The following PRKCQ variants were observed in gnomAD, a reference collection of about 807,000 sequenced individuals.
The protein encoded by PRKCQ is protein kinase C theta type.
Under a neutral mutation model 91.2 loss-of-function variants are expected in PRKCQ, and 41 were observed. The ratio of observed to expected loss-of-function variants is 0.45; its 90% CI spans 0.35 to 0.58. The LOEUF is 0.58. Ranked by LOEUF, PRKCQ falls within the 20% of genes least tolerant of loss-of-function variation. The pLI, the probability that PRKCQ is intolerant of heterozygous loss-of-function variation, is 0.00. For synonymous variants in PRKCQ, 307 were observed against 316.9 expected (o/e 0.97, Z 0.33); for missense variants, 673 against 896.5 (o/e 0.75, Z 3.18).
the PRKCQ span, among the ~76,000 whole-genome samples, chr10:6,404,923 T>TC: frequency 2.3e-5 from 3 of 132,510 alleles, no homozygotes; most frequent in South Asian, 2.9e-4. Context: ...CCTCCTTCCT[T>TC]CCTCCCTTCC....
chr10:6,397,072 A>G, the PRKCQ span, among the ~76,000 whole-genome samples: 1 of 151,700 alleles, frequency 6.6e-6, no homozygotes, highest in Non-Finnish European at 1.5e-5. Flanking sequence ...CCATTTGCAC[A>G]TGTTCTTTAG....
intron 4 of PRKCQ, among the ~76,000 whole-genome samples, chr10:6,506,875 G>T (rs1250058962): frequency 6.6e-6 from 1 of 152,100 alleles, no homozygotes; most frequent in Non-Finnish European, 1.5e-5. Context: ...TCAGCACATC[G>T]TACCGGGAAA....
the PRKCQ span, among the ~76,000 whole-genome samples, chr10:6,409,547 G>A: frequency 6.6e-6 from 1 of 151,986 alleles, no homozygotes; most frequent in African/African-American, 2.4e-5. Flanking sequence ...CGCCCGCCTC[G>A]GCCTCCCAAA....
the PRKCQ span, among the ~76,000 whole-genome samples, chr10:6,397,310 G>C: frequency 5.7e-4 from 86 of 152,136 alleles, no homozygotes; most frequent in African/African-American, 1.9e-3. Context: ...GGCCAAGCTG[G>C]TCTCGAACTC....
In PRKCQ at chr10:6,500,119, T is replaced by C. The variant is rs957901440; in HGVS notation, c.380-1561A>G. ...GCTGGAAATAATAGATTTGGCTTGG[T>C]AAATGAGGGGTTAAATTAAGGATCA... On this transcript the variant is annotated intron_variant, in intron 4 of 17. Coordinates refer to ENST00000263125, the MANE Select transcript of PRKCQ (RefSeq NM_006257.5). Among the ~76,000 whole-genome samples the C allele has an allele frequency of 3.3e-5, 5 of 152,192 alleles. No homozygotes were observed. The South Asian group carries it at 8.3e-4, about 25-fold the overall frequency.
At chr10:6,555,000 C>A (rs1840350134) in intron 1 of PRKCQ, among the ~76,000 whole-genome samples, 1 of 152,070 alleles carries the variant, frequency 6.6e-6, no homozygotes. Flanking sequence ...CAGCTAGAGG[C>A]TATGATCCTA....
chr10:6,546,740 T>A (rs1222011377), intron 1 of PRKCQ, among the ~76,000 whole-genome samples: 1 of 152,178 alleles, frequency 6.6e-6, no homozygotes, highest in East Asian at 1.9e-4. Context: ...TCCTGCCTAA[T>A]TGCCCTGGCC....
chr10:6,569,371 G>A (rs140757830), intron 1 of PRKCQ, among the ~76,000 whole-genome samples: 57 of 152,050 alleles, frequency 3.7e-4, no homozygotes, highest in African/African-American at 1.3e-3. Flanking sequence ...CACGAGATGA[G>A]GGGATGCTGG....
chr10:6,518,137 A>G (rs1262698906), intron 1 of PRKCQ, among the ~76,000 whole-genome samples: 4 of 152,216 alleles, frequency 2.6e-5, no homozygotes, highest in Non-Finnish European at 5.9e-5. Flanking sequence ...GTCTAGACTT[A>G]AATTCACAGA....
intron 1 of PRKCQ, among the ~76,000 whole-genome samples, chr10:6,551,785 G>A (rs552920731): frequency 6.6e-6 from 1 of 152,298 alleles, no homozygotes; most frequent in African/African-American, 2.4e-5. Context: ...GAACACACAC[G>A]TGCGTGTGTC....
At chr10:6,518,820 A>AAAAAG (rs146555579) in intron 1 of PRKCQ, among the ~76,000 whole-genome samples, 2 of 152,170 alleles carry the variant, frequency 1.3e-5, no homozygotes, top group African/African-American at 2.4e-5. Context: ...TCTGTCTTAA[A>AAAAAG]AAAAGAAAAG....
chr10:6,577,743 T>A lies in PRKCQ; in HGVS notation c.-10+2468A>T, dbSNP rs115497691. On this transcript the variant is annotated intron_variant, in intron 1 of 17. Coordinates refer to ENST00000263125, the MANE Select transcript of PRKCQ (RefSeq NM_006257.5). Reference sequence around the variant, plus strand: ...AGCAACATTTTTAGGGGCAACAACATAATCAGCAACTCTAAGACATCAATC... The same window carrying A: ...AGCAACATTTTTAGGGGCAACAACAAAATCAGCAACTCTAAGACATCAATC... Among the ~76,000 whole-genome samples the A allele has an allele frequency of 6.7e-3, 1,019 of 152,176 alleles. 9 individuals carry two copies. The highest frequency in any genetic ancestry group is 0.024 in the African/African-American group (976 of 41,454).
intron 14 of PRKCQ, among the ~76,000 whole-genome samples, chr10:6,461,450 A>C (rs1835347437): frequency 1.3e-5 from 2 of 152,250 alleles, no homozygotes; most frequent in African/African-American, 2.4e-5. Context: ...GAAGATTAAA[A>C]AATTATAAAA....
chr10:6,463,347 T>G (rs1835461288), intron 13 of PRKCQ, among the ~76,000 whole-genome samples: 1 of 152,174 alleles, frequency 6.6e-6, no homozygotes, highest in Non-Finnish European at 1.5e-5. Flanking sequence ...TTCTCCTTCC[T>G]GGAAGGCATT....
At chr10:6,484,884 T>C (rs111825692) in intron 10 of PRKCQ, among the ~76,000 whole-genome samples, 1 of 152,250 alleles carries the variant, frequency 6.6e-6, no homozygotes. Flanking sequence ...CATTTGACAC[T>C]GACAGAATGT....
the PRKCQ span, among the ~76,000 whole-genome samples, chr10:6,397,468 T>C: frequency 6.6e-6 from 1 of 152,260 alleles, no homozygotes; most frequent in Non-Finnish European, 1.5e-5. Flanking sequence ...TGTATACTAT[T>C]GCATTATCAG....
intron 12 of PRKCQ, among the ~76,000 whole-genome samples, chr10:6,466,673 C>T (rs1226355144): frequency 6.6e-6 from 1 of 152,142 alleles, no homozygotes; most frequent in Non-Finnish European, 1.5e-5. Context: ...AATCCAAAAT[C>T]CCATCATAAA....
chr10:6,534,747 A>C (rs1839508202), intron 1 of PRKCQ, among the ~76,000 whole-genome samples: 1 of 147,288 alleles, frequency 6.8e-6, no homozygotes, highest in Non-Finnish European at 1.5e-5. Flanking sequence ...TACAGAATAT[A>C]CTTAAAAGTT....
intron 1 of PRKCQ, among the ~76,000 whole-genome samples, chr10:6,573,993 G>A (rs1168075428): frequency 6.6e-6 from 1 of 152,206 alleles, no homozygotes; most frequent in Non-Finnish European, 1.5e-5. Context: ...GCATGCAACT[G>A]TAGTCCCAGC....
Sources: gnomAD v4.1 joint callset for allele counts (sites outside exome capture counted in the v4.1 genomes callset) on GRCh38, gnomAD v4.1.1 for gene constraint, MANE v1.5 for transcripts, NCBI Gene and HGNC (gene_info 2026-07-23, HGNC 2026-07-21) for gene names.